Variants in ARID5B observed in about 807,000 individuals in gnomAD.
ARID5B encodes the protein AT-rich interactive domain-containing protein 5B.
A neutral mutation model predicts 97.2 loss-of-function variants in ARID5B; 13 were observed. The observed-to-expected ratio is 0.13, with a 90% CI of 0.09 to 0.21. The LOEUF is 0.21. ARID5B is among the 10% of genes least tolerant of loss of function. ARID5B has a pLI of 1.00. For missense variants in ARID5B, 1,210 were observed against 1,465.3 expected, an observed-to-expected ratio of 0.83 and a Z score of 2.84; for synonymous variants, 556 against 570.3, an observed-to-expected ratio of 0.97 and a Z score of 0.36.
intron 8 of ARID5B, among the ~76,000 whole-genome samples, chr10:62,071,720 C>T (rs1840068416): frequency 6.6e-6 from 1 of 152,056 alleles, no homozygotes; most frequent in South Asian, 2.1e-4. Flanking sequence ...AGCTTTCAAT[C>T]ACATTAGAAA....
At chr10:61,990,052 G>A (rs1838901278) in intron 3 of ARID5B, among the ~76,000 whole-genome samples, 1 of 152,140 alleles carries the variant, frequency 6.6e-6, no homozygotes, top group African/African-American at 2.4e-5. Context: ...CCCTATGTAG[G>A]TTCCCTTTAA....
chr10:61,960,129 AG>A (rs1838449076), intron 3 of ARID5B, among the ~76,000 whole-genome samples: 5 of 152,152 alleles, frequency 3.3e-5, no homozygotes, highest in Admixed American at 1.3e-4. Flanking sequence ...ATGTGTAGGA[AG>A]GAAGGGCATG....
chr10:62,018,580 C>CTTT (rs758545079), intron 4 of ARID5B, among the ~76,000 whole-genome samples: 9 of 133,432 alleles, frequency 6.7e-5, no homozygotes, highest in African/African-American at 1.2e-4. Flanking sequence ...CGTTCCTGAC[C>CTTT]TTTTTTTTTT....
intron 2 of ARID5B, among the ~76,000 whole-genome samples, chr10:61,904,230 G>A (rs1054966678): frequency 6.6e-6 from 1 of 152,092 alleles, no homozygotes; most frequent in African/African-American, 2.4e-5. Flanking sequence ...AAGTCCAGGA[G>A]GAAATTATTC....
At chr10:61,960,343 A>G (rs1838453599) in intron 3 of ARID5B, among the ~76,000 whole-genome samples, 1 of 152,152 alleles carries the variant, frequency 6.6e-6, no homozygotes, top group Non-Finnish European at 1.5e-5. Context: ...CCTTTTGGTA[A>G]AGTGGAGCAC....
intron 2 of ARID5B, among the ~76,000 whole-genome samples, chr10:61,934,810 C>T (rs1387474606): frequency 2.0e-5 from 3 of 151,902 alleles, no homozygotes; most frequent in Non-Finnish European, 4.4e-5. Context: ...GTCAGGAGTT[C>T]GAGGCCAGCC....
At position 61,967,016 on chromosome 10, in the gene ARID5B, A is replaced by G. The variant is rs542512922; in HGVS notation, c.502+26608A>G. 2.0e-5 allele frequency among the ~76,000 whole-genome samples: 3 copies of G among 152,242 alleles called. No individual in the cohort carries two copies. In the South Asian group the frequency reaches 6.2e-4, roughly 32 times the overall value. Reference sequence around the variant, plus strand: ...TATAGAAATAATGGTTAGCTCAGAAAACCGGGCCTTTTTTTCCCCCAGAAC... The same window carrying G: ...TATAGAAATAATGGTTAGCTCAGAAGACCGGGCCTTTTTTTCCCCCAGAAC... On this transcript the variant is annotated intron_variant, in intron 3 of 9. Transcript: ENST00000279873.
chr10:61,944,318 T>C (rs1241206160), intron 3 of ARID5B, among the ~76,000 whole-genome samples: 1 of 152,220 alleles, frequency 6.6e-6, no homozygotes, highest in Non-Finnish European at 1.5e-5. Flanking sequence ...AGCCTCTAGT[T>C]ATTTATTTTT....
intron 2 of ARID5B, among the ~76,000 whole-genome samples, chr10:61,922,380 A>G (rs1023941303): frequency 1.3e-5 from 2 of 152,244 alleles, no homozygotes; most frequent in Non-Finnish European, 2.9e-5. Flanking sequence ...AGGCGGGTGG[A>G]TCACCTGAGG....
At chr10:62,060,525 A>G (rs1564639890) in intron 7 of ARID5B, among the ~76,000 whole-genome samples, 1 of 152,226 alleles carries the variant, frequency 6.6e-6, no homozygotes, top group Non-Finnish European at 1.5e-5. Flanking sequence ...CAAGTGACCT[A>G]TGTAAAAATA....
intron 3 of ARID5B, among the ~76,000 whole-genome samples, chr10:61,947,315 C>T (rs1340767706): frequency 6.9e-6 from 1 of 145,084 alleles, no homozygotes; most frequent in African/African-American, 2.6e-5. Context: ...ATTGCCCAGG[C>T]TGGAGTGCAG....
chr10:61,955,225 A>G (rs1019915979), intron 3 of ARID5B, among the ~76,000 whole-genome samples: 4 of 152,176 alleles, frequency 2.6e-5, no homozygotes, highest in African/African-American at 9.7e-5. Flanking sequence ...TTTCCCCTCT[A>G]CAGTGGCCCT....
At chr10:61,939,345 T>C (rs1844359510) in intron 2 of ARID5B, among the ~76,000 whole-genome samples, 1 of 152,326 alleles carries the variant, frequency 6.6e-6, no homozygotes, top group African/African-American at 2.4e-5. Context: ...GTTCCATGTA[T>C]GGATGTCTAT....
At chr10:62,001,169 TG>T (rs1839075374) in intron 4 of ARID5B, among the ~76,000 whole-genome samples, 3 of 152,206 alleles carry the variant, frequency 2.0e-5, no homozygotes, top group African/African-American at 7.2e-5. Flanking sequence ...ATCATATCAG[TG>T]GTTTTCAGCA....
chr10:62,044,497 CA>C (rs1346081128), intron 4 of ARID5B, among the ~76,000 whole-genome samples: 2 of 151,616 alleles, frequency 1.3e-5, no homozygotes, highest in Non-Finnish European at 2.9e-5. Context: ...CATCTCACCT[CA>C]GCCTCCCAAC....
intron 9 of ARID5B, among the ~76,000 whole-genome samples, chr10:62,088,359 A>C (rs1840320280): frequency 6.6e-6 from 1 of 152,250 alleles, no homozygotes; most frequent in African/African-American, 2.4e-5. Context: ...CTGAGGACCA[A>C]GGGGACAGCT....
chr10:61,912,906 C>G (rs981960042), intron 2 of ARID5B, among the ~76,000 whole-genome samples: 26 of 152,224 alleles, frequency 1.7e-4, no homozygotes, highest in Admixed American at 1.0e-3. Flanking sequence ...GCTATTTTCC[C>G]TTTGGTTTTT....
At chr10:61,976,855 T>C (rs1291381630) in intron 3 of ARID5B, among the ~76,000 whole-genome samples, 6 of 77,728 alleles carry the variant, frequency 7.7e-5, no homozygotes, top group Non-Finnish European at 1.6e-4. Context: ...AGAAACTTTC[T>C]TTCTTTTTTT....
At chr10:61,948,380 A>ATTTTTTT (rs71470784) in intron 3 of ARID5B, among the ~76,000 whole-genome samples, 1,940 of 86,050 alleles carry the variant, frequency 0.023, 155 homozygotes, top group African/African-American at 0.032. Context: ...ACTTTAGGTA[A>ATTTTTTT]TTTTTTTTTT....
Sources: allele counts gnomAD v4.1 joint callset (sites outside exome capture counted in the v4.1 genomes callset), GRCh38; gene constraint gnomAD v4.1.1; transcripts MANE v1.5; gene names NCBI Gene and HGNC (gene_info 2026-07-23, HGNC 2026-07-21).